The following PCSK5 variants were observed in gnomAD, a reference collection of about 807,000 sequenced individuals.
PCSK5 encodes prohormone convertase 5.
In PCSK5, 129 loss-of-function variants were observed where a neutral mutation model predicts 233.2. The ratio of observed to expected loss-of-function variants is 0.55; its 90% CI spans 0.48 to 0.64. PCSK5 has a LOEUF of 0.64. Ranked by LOEUF, PCSK5 falls within the 30% of genes least tolerant of loss-of-function variation. The pLI is 0.00. For missense variants in PCSK5, 2,076 were observed against 2,430.1 expected, an observed-to-expected ratio of 0.85 and a Z score of 3.06; for synonymous variants, 825 against 879.2, an observed-to-expected ratio of 0.94 and a Z score of 1.09.
chr9:76,279,936 T>A (rs1312787899), intron 24 of PCSK5, among the ~76,000 whole-genome samples: 1 of 152,036 alleles, frequency 6.6e-6, no homozygotes, highest in Admixed American at 6.5e-5. Context: ...CATTTGTCAA[T>A]TTTGTCTTTT....
chr9:76,229,807 T>C (rs181116977), intron 21 of PCSK5, among the ~76,000 whole-genome samples: 107 of 152,366 alleles, frequency 7.0e-4, no homozygotes, highest in Middle Eastern at 3.4e-3. Context: ...TAAGATCATC[T>C]CTGCCCAGCT....
chr9:76,197,463 T>C (rs571614221), intron 20 of PCSK5, among the ~76,000 whole-genome samples: 1 of 152,342 alleles, frequency 6.6e-6, no homozygotes, highest in Admixed American at 6.5e-5. Context: ...TACTAAAGTT[T>C]CTCAATCAAA....
intron 1 of PCSK5, among the ~76,000 whole-genome samples, chr9:75,909,446 A>G (rs1442678064): frequency 6.6e-6 from 1 of 151,954 alleles, no homozygotes; most frequent in Non-Finnish European, 1.5e-5. Flanking sequence ...CTGTAATCCC[A>G]GCACTTTGGG....
chr9:76,129,938 G>GTTTA (rs1822690642), intron 9 of PCSK5, among the ~76,000 whole-genome samples: 1 of 152,134 alleles, frequency 6.6e-6, no homozygotes, highest in South Asian at 2.1e-4. Flanking sequence ...AACTAGAAGT[G>GTTTA]TTTAAGGTGA....
In PCSK5 at chr9:76,359,197, T is replaced by C. The variant is rs968769342; in HGVS notation, c.*275T>C. The C allele has an allele frequency of 3.4e-4, 136 of 398,288 alleles. No homozygotes were observed. The highest frequency in any genetic ancestry group is 7.2e-4 in the Middle Eastern group (1 of 1,398). The allele number at this position is 398,288 out of a possible 1,614,324, so 24.7% of individuals were successfully genotyped here. On this transcript the variant is annotated 3_prime_UTR_variant, in exon 38 of 38. Transcript: ENST00000674117. ...AAAATAATGTGTTAAGACACAAAAATGAAGGAAGTGAAAACAAATGAGATT... is the reference window on the plus strand; with the variant it reads ...AAAATAATGTGTTAAGACACAAAAACGAAGGAAGTGAAAACAAATGAGATT...
intron 2 of PCSK5, among the ~76,000 whole-genome samples, chr9:75,947,038 A>G (rs1417639699): frequency 1.3e-5 from 2 of 152,222 alleles, no homozygotes; most frequent in Non-Finnish European, 2.9e-5. Flanking sequence ...GCATATAATA[A>G]ATGAGGAACA....
chr9:76,289,655 T>G (rs895454885), intron 24 of PCSK5, among the ~76,000 whole-genome samples: 3 of 152,106 alleles, frequency 2.0e-5, no homozygotes, highest in Non-Finnish European at 4.4e-5. Context: ...ACCTTCTTCC[T>G]TAATCTCATA....
chr9:76,311,156 G>A (rs898297366), intron 30 of PCSK5, among the ~76,000 whole-genome samples: 13 of 152,032 alleles, frequency 8.6e-5, no homozygotes, highest in African/African-American at 2.9e-4. Flanking sequence ...CAGAAGGATC[G>A]CTAGGAATTT....
At chr9:75,965,306 AAGAG>A (rs1294534837) in intron 2 of PCSK5, among the ~76,000 whole-genome samples, 1 of 149,160 alleles carries the variant, frequency 6.7e-6, no homozygotes, top group Non-Finnish European at 1.5e-5. Context: ...GAGAGAGAGA[AAGAG>A]AGATACTAAT....
rs898700864 is a variant in PCSK5, at chr9:76,067,867, C to T, written c.633-88C>T. On this transcript the variant is annotated intron_variant, in intron 5 of 37. Transcript: ENST00000674117. The stretch of plus-strand genomic sequence containing the variant: ...CAGAAACACCACAGCTGGGTACATT[C>T]TTCACCACTCTGAGTGGTGGCAGTG... 14 of 1,028,980 alleles carry T rather than the reference C, an allele frequency of 1.4e-5. No homozygotes were observed. In the African/African-American group the frequency reaches 1.9e-4, roughly 14 times the overall value. 63.7% of individuals were successfully genotyped at this position (1,028,980 alleles called of 1,614,324 possible). A position where few individuals can be genotyped will look rare whatever the true frequency, so the allele number is the denominator to read the frequency against.
At chr9:75,992,795 A>G (rs1422641770) in intron 3 of PCSK5, among the ~76,000 whole-genome samples, 1 of 152,192 alleles carries the variant, frequency 6.6e-6, no homozygotes, top group East Asian at 1.9e-4. Context: ...AAATGGATTC[A>G]TTTTTGATGC....
chr9:76,089,854 T>C (rs1831214227), intron 7 of PCSK5, among the ~76,000 whole-genome samples: 1 of 152,222 alleles, frequency 6.6e-6, no homozygotes, highest in African/African-American at 2.4e-5. Flanking sequence ...CTTTTCTGAC[T>C]TTCTAAGCCA....
chr9:76,340,803 A>G (rs1829810201), intron 35 of PCSK5, among the ~76,000 whole-genome samples: 1 of 152,036 alleles, frequency 6.6e-6, no homozygotes, highest in Non-Finnish European at 1.5e-5. Flanking sequence ...GAGTTATACT[A>G]GGTTAATTCT....
chr9:76,200,931 T>TCAA (rs1377642685), intron 20 of PCSK5, among the ~76,000 whole-genome samples: 1 of 152,222 alleles, frequency 6.6e-6, no homozygotes, highest in Non-Finnish European at 1.5e-5. Flanking sequence ...CCCCATCAAG[T>TCAA]CAACTCTTGG....
chr9:75,903,616 T>A lies in PCSK5; in HGVS notation c.192+12243T>A, dbSNP rs1389102231. On this transcript the variant is annotated intron_variant, in intron 1 of 37. Coordinates refer to ENST00000674117, the MANE Select transcript of PCSK5 (RefSeq NM_001372043.1). Reference sequence around the variant, plus strand: ...ATATATATTATATATATATATTATATATATATATAAAATAAGTATTTAAGG... The same window carrying A: ...ATATATATTATATATATATATTATAAATATATATAAAATAAGTATTTAAGG... Among the ~76,000 whole-genome samples the A allele has an allele frequency of 1.0e-3, 145 of 145,038 alleles. 2 individuals are homozygous for A. In the East Asian group the frequency reaches 0.026, roughly 26 times the overall value.
intron 34 of PCSK5, among the ~76,000 whole-genome samples, chr9:76,333,957 A>T (rs1388613909): frequency 6.6e-6 from 1 of 152,218 alleles, no homozygotes; most frequent in Non-Finnish European, 1.5e-5. Context: ...TGATAAAGAC[A>T]TACCCAAAGA....
intron 32 of PCSK5, among the ~76,000 whole-genome samples, chr9:76,325,976 A>G (rs527318602): frequency 1.2e-4 from 19 of 152,142 alleles, no homozygotes; most frequent in Non-Finnish European, 2.4e-4. Context: ...AGGGGAAGGA[A>G]TGTGGTATTG....
At chr9:76,258,592 C>T (rs1376391345) in intron 24 of PCSK5, among the ~76,000 whole-genome samples, 1 of 152,198 alleles carries the variant, frequency 6.6e-6, no homozygotes, top group Non-Finnish European at 1.5e-5. Context: ...TTAGGGAGAC[C>T]TCTTGCCTTC....
chr9:75,937,067 G>T (rs1476810761), intron 2 of PCSK5, among the ~76,000 whole-genome samples: 1 of 151,946 alleles, frequency 6.6e-6, no homozygotes, highest in Non-Finnish European at 1.5e-5. Flanking sequence ...TTAGTGATAG[G>T]TCTCAACAGT....
Sources: allele counts gnomAD v4.1 joint callset (sites outside exome capture counted in the v4.1 genomes callset), GRCh38; gene constraint gnomAD v4.1.1; transcripts MANE v1.5; gene names NCBI Gene and HGNC (gene_info 2026-07-23, HGNC 2026-07-21).